SGIP1: variants seen among roughly 807,000 people sequenced by gnomAD.
SGIP1 encodes the protein SH3GL interacting endocytic adaptor 1, also known as SH3-containing GRB2-like protein 3-interacting protein 1.
Under a neutral mutation model 107.5 loss-of-function variants are expected in SGIP1, and 38 were observed. The observed-to-expected ratio is 0.35, with a 90% CI of 0.27 to 0.46. The LOEUF (loss-of-function observed/expected upper bound fraction) is 0.46. Among genes scored for constraint, SGIP1 ranks in the 20% least tolerant of loss-of-function variants. The pLI is 1.00. For missense variants in SGIP1, 929 were observed against 1,019.5 expected (o/e 0.91, Z 1.21); for synonymous variants, 365 against 366.1 (o/e 1.00, Z 0.03).
At chr1:66,562,422 T>C (rs990641881) in intron 1 of SGIP1, among the ~76,000 whole-genome samples, 1 of 151,884 alleles carries the variant, frequency 6.6e-6, no homozygotes, top group African/African-American at 2.4e-5. Context: ...ATTGAAACAA[T>C]AGCAGGGAAG....
chr1:66,556,856 C>T lies in SGIP1; in HGVS notation c.10+22488C>T, dbSNP rs188896340. Among the ~76,000 whole-genome samples the T allele has an allele frequency of 1.5e-3, 228 of 152,160 alleles. 1 individual carries two copies. The highest frequency in any genetic ancestry group is 5.4e-3 in the African/African-American group (225 of 41,534). On this transcript the variant is annotated intron_variant, in intron 1 of 24. Transcript: ENST00000371037. Reference sequence around the variant, plus strand: ...TTTTTGCTCTACTTGAAAGCTTTTCCCTTAGAAAAGCCTAGCTCTTAGTCA... The same window carrying T: ...TTTTTGCTCTACTTGAAAGCTTTTCTCTTAGAAAAGCCTAGCTCTTAGTCA...
intron 1 of SGIP1, among the ~76,000 whole-genome samples, chr1:66,569,742 A>G (rs1448875633): frequency 6.6e-6 from 1 of 151,752 alleles, no homozygotes; most frequent in Admixed American, 6.6e-5. Context: ...TGTCCTCATA[A>G]ATGAGTTAGT....
At position 66,745,115 on chromosome 1, in the gene SGIP1, T is replaced by C. The variant is rs1306627503; in HGVS notation, c.*2020T>C. ...TTCTCATGTCTTTGTATTTATATTT[T>C]ATTTTGTTTTATTTTGTATAGATCT... is the stretch of plus-strand genomic sequence containing the variant. On this transcript the variant is annotated 3_prime_UTR_variant, in exon 25 of 25. Transcript: ENST00000371037. The C allele has an allele frequency of 6.6e-6, 1 of 152,164 alleles. No homozygotes were observed. The highest frequency in any genetic ancestry group is 2.4e-5 in the African/African-American group (1 of 41,458). The allele number at this position is 152,164 out of a possible 1,614,324, so 9.4% of individuals were successfully genotyped here.
intron 20 of SGIP1, among the ~76,000 whole-genome samples, chr1:66,732,892 A>G (rs2094079387): frequency 6.6e-6 from 1 of 152,228 alleles, no homozygotes; most frequent in Non-Finnish European, 1.5e-5. Flanking sequence ...ATATTCTGAA[A>G]GTGAACTGTC....
rs145593341 is a variant in SGIP1 at position 66,608,581 on chromosome 1, C to T, written c.11-17266C>T. Reference sequence around the variant, plus strand: ...GCTACCAGACACTGTTGTTCTGCTTCGGGCTGCTGGCCTAAAGATAAAAGC... The same window carrying T: ...GCTACCAGACACTGTTGTTCTGCTTTGGGCTGCTGGCCTAAAGATAAAAGC... On this transcript the variant is annotated intron_variant, in intron 1 of 24. Coordinates refer to ENST00000371037, the MANE Select transcript of SGIP1 (RefSeq NM_032291.4). Among the ~76,000 whole-genome samples, 17 of 152,286 alleles carry T rather than the reference C, an allele frequency of 1.1e-4. No homozygotes were observed. The East Asian group carries it at 2.5e-3, about 22-fold the overall frequency.
intron 1 of SGIP1, among the ~76,000 whole-genome samples, chr1:66,536,560 G>T (rs1203702567): frequency 6.6e-6 from 1 of 152,150 alleles, no homozygotes; most frequent in Non-Finnish European, 1.5e-5. Flanking sequence ...TATTCTGAAG[G>T]TGTGGTATAT....
rs1319865901 is a variant in SGIP1 at position 66,750,034 on chromosome 1, GGGGT to G, written c.*6941_*6944del. The stretch of plus-strand genomic sequence containing the variant: ...CTCTCTCTTTCTCTGTGTGTGTGTG[GGGGT>G]GTGTGTGTGTGTGTGTGTGTGTGTG... On this transcript the variant is annotated 3_prime_UTR_variant, in exon 25 of 25. Coordinates refer to ENST00000371037, the MANE Select transcript of SGIP1 (RefSeq NM_032291.4). Among the ~76,000 whole-genome samples, 4,517 of 92,088 alleles carry G rather than the reference GGGGT, an allele frequency of 0.049. 105 individuals are homozygous for G. Among genetic ancestry groups the G allele is most frequent in the African/African-American group, 0.1 (2,658 of 26,046 alleles). 60.4% of individuals were successfully genotyped at this position (92,088 alleles called of 152,430 possible). A position where few individuals can be genotyped will look rare whatever the true frequency, so the allele number is the denominator to read the frequency against.
intron 18 of SGIP1, among the ~76,000 whole-genome samples, chr1:66,714,827 T>C (rs2093136966): frequency 6.6e-6 from 1 of 152,068 alleles, no homozygotes; most frequent in Non-Finnish European, 1.5e-5. Flanking sequence ...ATTATTTCAG[T>C]TATTAGAAAA....
In SGIP1 at chr1:66,746,482, G is replaced by T. The variant is rs528338414; in HGVS notation, c.*3387G>T. The T allele has an allele frequency of 1.3e-5, 2 of 152,046 alleles. No individual in the cohort carries two copies. Among genetic ancestry groups the T allele is most frequent in the Admixed American group, 6.6e-5 (1 of 15,266 alleles). The allele number at this position is 152,046 out of a possible 1,614,324, so 9.4% of individuals were successfully genotyped here. ...AAGTTCCACAGTTGTAATTTACTCA[G>T]ATAAACCACCTTTTGAGGCTTTATA... On this transcript the variant is annotated 3_prime_UTR_variant, in exon 25 of 25. Transcript: ENST00000371037.
At chr1:66,732,462 T>C (rs996464026) in intron 20 of SGIP1, among the ~76,000 whole-genome samples, 1 of 152,138 alleles carries the variant, frequency 6.6e-6, no homozygotes, top group Non-Finnish European at 1.5e-5. Context: ...ACCAGGTGTA[T>C]TTTCCACCCC....
intron 18 of SGIP1, among the ~76,000 whole-genome samples, chr1:66,707,590 C>T (rs1382150913): frequency 1.3e-5 from 2 of 152,076 alleles, no homozygotes; most frequent in Non-Finnish European, 2.9e-5. Flanking sequence ...CTGAGTGTTC[C>T]TTTAGGATGC....
chr1:66,715,009 G>GTATA (rs1332845350), intron 18 of SGIP1, among the ~76,000 whole-genome samples: 1 of 152,020 alleles, frequency 6.6e-6, no homozygotes, highest in African/African-American at 2.4e-5. Context: ...TTTTTATTGA[G>GTATA]TATAATCTTT....
intron 18 of SGIP1, among the ~76,000 whole-genome samples, chr1:66,708,667 G>A (rs2150317343): frequency 6.6e-6 from 1 of 152,250 alleles, no homozygotes; most frequent in Middle Eastern, 3.4e-3. Flanking sequence ...AATTTTGGAT[G>A]ACAGTTTAGG....
chr1:66,608,538 G>A (rs1404348603), intron 1 of SGIP1, among the ~76,000 whole-genome samples: 1 of 152,120 alleles, frequency 6.6e-6, no homozygotes, highest in Non-Finnish European at 1.5e-5. Context: ...TTAACACACT[G>A]TGCTATAATT....
chr1:66,667,566 T>C, intron 9 of SGIP1, 25 bp downstream of exon 9: 2 of 1,611,852 alleles, frequency 1.2e-6, no homozygotes, highest in Non-Finnish European at 1.7e-6. Context: ...CATTTTTACC[T>C]TAAACATGTA....
rs991279792 is a variant in SGIP1 at position 66,644,361 on chromosome 1, G to T, written c.459+642G>T. ...AGATTTGGGGTAAAAAAAAAAAAGA[G>T]ATTATTTTTGCACAATTTGCACTTT... is the stretch of plus-strand genomic sequence containing the variant. On this transcript the variant is annotated intron_variant, in intron 7 of 24. Transcript: ENST00000371037. Among the ~76,000 whole-genome samples, 10 of 151,820 alleles carry T rather than the reference G, an allele frequency of 6.6e-5. No homozygotes were observed. In the East Asian group the frequency reaches 1.9e-3, roughly 29 times the overall value.
intron 1 of SGIP1, among the ~76,000 whole-genome samples, chr1:66,617,186 A>G (rs1468041512): frequency 6.6e-6 from 1 of 152,188 alleles, no homozygotes; most frequent in Non-Finnish European, 1.5e-5. Context: ...GTAAACATTT[A>G]CTGAATGACT....
chr1:66,666,967 A>G (rs2082700115), intron 8 of SGIP1: 1 of 152,408 alleles, frequency 6.6e-6, no homozygotes, highest in Non-Finnish European at 1.5e-5. Flanking sequence ...TGCCCAGATC[A>G]CTAGGCCAAG....
intron 18 of SGIP1, among the ~76,000 whole-genome samples, chr1:66,703,875 T>TGA (rs10645494): frequency 0.16 from 23,695 of 143,952 alleles, 1,990 homozygotes; most frequent in East Asian, 0.28. Context: ...AAAAGAACTC[T>TGA]GTGTGTGTGT....
Sources: gnomAD v4.1 joint callset for allele counts (sites outside exome capture counted in the v4.1 genomes callset) on GRCh38, gnomAD v4.1.1 for gene constraint, MANE v1.5 for transcripts, NCBI Gene and HGNC (gene_info 2026-07-23, HGNC 2026-07-21) for gene names.